ZDHHC18: variants seen among roughly 807,000 people sequenced by gnomAD.
ZDHHC18 encodes zDHHC palmitoyltransferase 18, also known as palmitoyltransferase ZDHHC18.
In ZDHHC18, 23 loss-of-function variants were observed where a neutral mutation model predicts 37.5. That is an observed-to-expected ratio of 0.61 (90% CI 0.44 to 0.87). The LOEUF is 0.87. Among genes scored for constraint, ZDHHC18 ranks in the 40% least tolerant of loss-of-function variants. ZDHHC18 has a pLI of 0.00. For synonymous variants in ZDHHC18, 185 were observed against 218.7 expected (o/e 0.85, Z 1.36); for missense variants, 406 against 525.6 (o/e 0.77, Z 2.22).
At chr1:26,844,212 G>T (rs896827544) in intron 2 of ZDHHC18, among the ~76,000 whole-genome samples, 30 of 152,108 alleles carry the variant, frequency 2.0e-4, no homozygotes, top group African/African-American at 7.2e-4. Context: ...GCTAATTTTT[G>T]TATTTTTGTA....
chr1:26,837,259 A>AAT lies in ZDHHC18; in HGVS notation c.496+4670_496+4671dup, dbSNP rs1553157549. On this transcript the variant is annotated intron_variant, in intron 2 of 7. Coordinates refer to ENST00000374142, the MANE Select transcript of ZDHHC18 (RefSeq NM_032283.3). ...CAGAGTGAGACTCTGTCTCAAAAAA[A>AAT]ATATATATATATATATATAAAATAT... is the stretch of plus-strand genomic sequence containing the variant. Among the ~76,000 whole-genome samples, 1,120 of 143,710 alleles carry AAT rather than the reference A, an allele frequency of 7.8e-3. 8 individuals carry two copies. Among genetic ancestry groups the AAT allele is most frequent in the African/African-American group, 0.022 (873 of 39,536 alleles). The allele number at this position is 143,710 out of a possible 152,430, so 94.3% of individuals were successfully genotyped here.
rs564222560 is a variant in ZDHHC18 at position 26,837,928 on chromosome 1, C to T, written c.496+5321C>T. Among the ~76,000 whole-genome samples the T allele has an allele frequency of 5.3e-5, 8 of 152,298 alleles. No individual in the cohort carries two copies. In the South Asian group the frequency reaches 1.7e-3, roughly 32 times the overall value. ...GCGTTTGCTTGTGCTTGTGCTGTCC[C>T]CGCCTGCCGTGGTGAGCCAGAGTGC... On this transcript the variant is annotated intron_variant, in intron 2 of 7. Transcript: ENST00000374142.
chr1:26,834,297 C>A (rs1421827916), intron 2 of ZDHHC18, among the ~76,000 whole-genome samples: 1 of 152,202 alleles, frequency 6.6e-6, no homozygotes, highest in African/African-American at 2.4e-5. Flanking sequence ...CTATTATCCC[C>A]ACAAATCTTC....
At chr1:26,843,198 A>C (rs1375181859) in intron 2 of ZDHHC18, among the ~76,000 whole-genome samples, 1 of 149,164 alleles carries the variant, frequency 6.7e-6, no homozygotes, top group African/African-American at 2.5e-5. Context: ...GCTGGAATGC[A>C]ATGGCGACTG....
Position 26,850,255 on chromosome 1 carries a change from C to T in ZDHHC18, c.647-46C>T, listed in dbSNP as rs1258290537. On this transcript the variant is annotated intron_variant, in intron 3 of 7. Coordinates refer to ENST00000374142, the MANE Select transcript of ZDHHC18 (RefSeq NM_032283.3). The surrounding 1 kb of genome is among the most constrained non-coding windows in gnomAD (Gnocchi z 6.1). ...TGAGGCCGCCAAATGCCTGTGCTGG[C>T]TGCAGGCCAGCCCACACTAACCCAT... 2 of 1,601,418 alleles carry T rather than the reference C, an allele frequency of 1.2e-6. No homozygotes were observed. The highest frequency in any genetic ancestry group is 2.7e-5 in the African/African-American group (2 of 74,548).
rs1391977777 is a variant in ZDHHC18 at position 26,850,270 on chromosome 1, C to T, written c.647-31C>T. On this transcript the variant is annotated intron_variant, in intron 3 of 7. Coordinates refer to ENST00000374142, the MANE Select transcript of ZDHHC18 (RefSeq NM_032283.3). The surrounding 1 kb of genome is among the most constrained non-coding windows in gnomAD (Gnocchi z 6.1). ...CCTGTGCTGGCTGCAGGCCAGCCCA[C>T]ACTAACCCATCGCCCCTTGCCCTTG... 1.9e-6 allele frequency: 3 copies of T among 1,610,420 alleles called. No homozygotes were observed. The highest frequency in any genetic ancestry group is 2.5e-6 in the Non-Finnish European group (3 of 1,178,516).
intron 3 of ZDHHC18, among the ~76,000 whole-genome samples, chr1:26,849,916 G>A (rs527398422): frequency 1.3e-5 from 2 of 152,338 alleles, no homozygotes; most frequent in East Asian, 3.9e-4. Context: ...TTACAGTCAA[G>A]TAGGGCTGAT....
chr1:26,830,985 A>G (rs1163193437), intron 1 of ZDHHC18, among the ~76,000 whole-genome samples: 1 of 152,022 alleles, frequency 6.6e-6, no homozygotes, highest in Non-Finnish European at 1.5e-5. Context: ...GTTTCATCTT[A>G]TTGGTCAGGC....
intron 6 of ZDHHC18, among the ~76,000 whole-genome samples, chr1:26,851,874 C>T (rs1433608198): frequency 6.6e-6 from 1 of 152,244 alleles, no homozygotes; most frequent in Non-Finnish European, 1.5e-5. Flanking sequence ...CTGCAGACTG[C>T]CATCAACAAG....
chr1:26,828,991 T>C (rs974168134), intron 1 of ZDHHC18, among the ~76,000 whole-genome samples: 10 of 152,200 alleles, frequency 6.6e-5, no homozygotes, highest in African/African-American at 2.2e-4. Flanking sequence ...TTCTCTGGGT[T>C]GACCGGGTAT....
chr1:26,848,582 C>G (rs1440698424), intron 2 of ZDHHC18, 26 bp from the exon 3 acceptor site: 1 of 1,600,214 alleles, frequency 6.2e-7, no homozygotes, highest in Non-Finnish European at 8.6e-7. Context: ...TGGGCATTCC[C>G]CATCTTTCTC....
intron 1 of ZDHHC18, among the ~76,000 whole-genome samples, chr1:26,828,328 AC>A (rs1453207573): frequency 6.6e-6 from 1 of 151,638 alleles, no homozygotes; most frequent in Non-Finnish European, 1.5e-5. Flanking sequence ...CAGCTCCACC[AC>A]CCACTAATTG....
Position 26,826,983 on chromosome 1 carries a change from G to A in ZDHHC18, c.179G>A (p.Gly60Glu). ...GGCAGCGGCAGCGGCAGCGGGAGCG[G>A]GAGCCTCGGCCGCCGCCCACGGCGC... is the stretch of plus-strand genomic sequence containing the variant. ...SSGSGSGSGS[G>E]SLGRRPRRKW... Residue 60 changes from glycine to glutamate, a missense_variant, in exon 1 of 8, where the codon GGG becomes GAG. Gly to Glu is a moderately conservative substitution (Grantham distance 98, BLOSUM62 -2). Coordinates refer to ENST00000374142, the MANE Select transcript of ZDHHC18 (RefSeq NM_032283.3). This position sits in a 1 kb window ranked among gnomAD's most constrained non-coding sequence, Gnocchi z 5.2. 4.1e-6 allele frequency: 5 copies of A among 1,224,884 alleles called. No individual in the cohort carries two copies. The highest frequency in any genetic ancestry group is 5.1e-6 in the Non-Finnish European group (5 of 983,308). 75.9% of individuals were successfully genotyped at this position (1,224,884 alleles called of 1,614,324 possible). A position where few individuals can be genotyped will look rare whatever the true frequency, so the allele number is the denominator to read the frequency against.
rs1381900714 is a variant in ZDHHC18, at chr1:26,848,625, A to G, written c.514A>G (p.Thr172Ala). 1 of 1,613,478 alleles carries G rather than the reference A, an allele frequency of 6.2e-7. No individual in the cohort carries two copies. Among genetic ancestry groups the G allele is most frequent in the East Asian group, 2.2e-5 (1 of 44,852 alleles). Reference sequence around the variant, plus strand: ...TCCCTCAGACAACACAGGCAGTTCTACATACCGGCCACCCCCTCGGACCCG... The same window carrying G: ...TCCCTCAGACAACACAGGCAGTTCTGCATACCGGCCACCCCCTCGGACCCG... The part of the protein sequence containing the change: ...EKQIDNTGSS[T>A]YRPPPRTREV... Residue 172 changes from threonine to alanine, a missense_variant, in exon 3 of 8, where the codon ACA becomes GCA. Coordinates refer to ENST00000374142, the MANE Select transcript of ZDHHC18 (RefSeq NM_032283.3).
At chr1:26,830,419 A>T (rs181927422) in intron 1 of ZDHHC18, among the ~76,000 whole-genome samples, 12 of 152,302 alleles carry the variant, frequency 7.9e-5, no homozygotes, top group African/African-American at 2.9e-4. Context: ...TGAGGATTTG[A>T]TGAGAAAGTA....
chr1:26,832,319 T>TA, intron 1 of ZDHHC18, 128 bp from the exon 2 acceptor site: 1 of 1,198,328 alleles, frequency 8.3e-7, no homozygotes, highest in Non-Finnish European at 1.2e-6. Flanking sequence ...TGCCTCTGCC[T>TA]CAGAGCGAGG....
intron 2 of ZDHHC18, among the ~76,000 whole-genome samples, chr1:26,840,989 AG>A (rs1196803362): frequency 8.7e-5 from 4 of 45,814 alleles, no homozygotes; most frequent in Non-Finnish European, 1.8e-4. Context: ...TTTTGGGGGG[AG>A]GGGGGGACAG....
At chr1:26,837,388 A>G (rs952385273) in intron 2 of ZDHHC18, among the ~76,000 whole-genome samples, 3 of 147,798 alleles carry the variant, frequency 2.0e-5, no homozygotes, top group African/African-American at 4.9e-5. Context: ...ATCTATATTT[A>G]ATATGCATAA....
chr1:26,827,859 C>T (rs1373904969), intron 1 of ZDHHC18, among the ~76,000 whole-genome samples: 1 of 152,074 alleles, frequency 6.6e-6, no homozygotes, highest in Admixed American at 6.6e-5. Context: ...CCTCAGATCC[C>T]GCCCGCCTCC....
Sources: gnomAD v4.1 joint callset for allele counts (sites outside exome capture counted in the v4.1 genomes callset) on GRCh38, gnomAD v4.1.1 for gene constraint, Gnocchi (gnomAD v3.1) non-coding constraint, MANE v1.5 for transcripts, NCBI Gene and HGNC (gene_info 2026-07-23, HGNC 2026-07-21) for gene names.